Variants in PDGFRL observed in about 807,000 individuals in gnomAD.
PDGFRL encodes the protein platelet derived growth factor receptor like.
A neutral mutation model predicts 37.2 loss-of-function variants in PDGFRL; 46 were observed. The ratio of observed to expected loss-of-function variants is 1.24; its 90% CI spans 0.98 to 1.58. The LOEUF is 1.58. PDGFRL is among the 40% of genes most tolerant of loss of function. PDGFRL has a pLI of 0.00. For missense variants in PDGFRL, 692 were observed against 467.6 expected (o/e 1.48, Z -4.43); for synonymous variants, 251 against 184.3 (o/e 1.36, Z -2.93).
At chr8:17,584,815 G>A (rs571249644) in intron 1 of PDGFRL, among the ~76,000 whole-genome samples, 1 of 151,880 alleles carries the variant, frequency 6.6e-6, no homozygotes, top group Admixed American at 6.6e-5. Context: ...TCTCGTGTAA[G>A]AAAGAATTCG....
chr8:17,631,143 A>G (rs1585333084), intron 4 of PDGFRL, among the ~76,000 whole-genome samples: 1 of 151,818 alleles, frequency 6.6e-6, no homozygotes, highest in African/African-American at 2.4e-5. Flanking sequence ...ACGCTGCAAC[A>G]CCCCCCACAT....
chr8:17,613,097 C>T (rs1474829963), intron 2 of PDGFRL, among the ~76,000 whole-genome samples: 2 of 152,188 alleles, frequency 1.3e-5, no homozygotes, highest in East Asian at 3.8e-4. Context: ...CTCTCCATCT[C>T]TTAGATCATG....
chr8:17,634,553 G>T (rs1179252534), intron 5 of PDGFRL, among the ~76,000 whole-genome samples: 1 of 151,486 alleles, frequency 6.6e-6, no homozygotes, highest in Non-Finnish European at 1.5e-5. Flanking sequence ...CAATACCAAA[G>T]ACATGGAATC....
At chr8:17,629,513 C>A (rs150429192) in intron 4 of PDGFRL, among the ~76,000 whole-genome samples, 353 of 152,290 alleles carry the variant, frequency 2.3e-3, no homozygotes, top group Non-Finnish European at 4.3e-3. Flanking sequence ...CCATTGCCAC[C>A]TGCCAACCCT....
chr8:17,579,064 G>A (rs532208640), intron 1 of PDGFRL, among the ~76,000 whole-genome samples: 1 of 152,106 alleles, frequency 6.6e-6, no homozygotes, highest in Non-Finnish European at 1.5e-5. Flanking sequence ...CGGGCGTGGT[G>A]GTGGGCACGT....
rs189553965 is a variant in PDGFRL at position 17,642,537 on chromosome 8, A to G, written c.940-76A>G. The G allele has an allele frequency of 3.3e-4, 278 of 847,376 alleles. 1 individual carries two copies. The highest frequency in any genetic ancestry group is 1.1e-3 in the Admixed American group (56 of 50,592). The allele number at this position is 847,376 out of a possible 1,614,324, so 52.5% of individuals were successfully genotyped here. On this transcript the variant is annotated intron_variant, in intron 5 of 5. Coordinates refer to ENST00000251630, the MANE Select transcript of PDGFRL (RefSeq NM_001372073.1). ...CTTTGCTCTCTGAAAGGAACGCTCA[A>G]CAGTGTTGGGTGAGTGGGAGCTCTT...
chr8:17,600,158 T>C (rs1804137817), intron 2 of PDGFRL, among the ~76,000 whole-genome samples: 2 of 152,298 alleles, frequency 1.3e-5, no homozygotes, highest in South Asian at 2.1e-4. Context: ...ACCTGGCTCC[T>C]GGCCCCATTA....
At chr8:17,617,583 A>C (rs1385817999) in intron 2 of PDGFRL, among the ~76,000 whole-genome samples, 1 of 152,232 alleles carries the variant, frequency 6.6e-6, no homozygotes, top group Non-Finnish European at 1.5e-5. Context: ...ATTGGTAGAA[A>C]TGGACATTCT....
intron 2 of PDGFRL, among the ~76,000 whole-genome samples, chr8:17,601,479 A>C (rs984195095): frequency 6.6e-6 from 1 of 151,020 alleles, no homozygotes; most frequent in African/African-American, 2.4e-5. Context: ...CCTCTTTCTA[A>C]CTTTTAGGTT....
chr8:17,593,673 T>C (rs868168068), intron 2 of PDGFRL, among the ~76,000 whole-genome samples: 3 of 150,742 alleles, frequency 2.0e-5, no homozygotes, highest in Non-Finnish European at 4.4e-5. Flanking sequence ...GGCGGGCGGA[T>C]CACCGGAGGT....
In PDGFRL at chr8:17,588,567, G is replaced by A. The variant is rs549651666; in HGVS notation, c.56-901G>A. Among the ~76,000 whole-genome samples the A allele has an allele frequency of 6.6e-5, 10 of 152,280 alleles. No individual in the cohort carries two copies. In the South Asian group the frequency reaches 2.1e-3, roughly 32 times the overall value. ...ACATATGTGTAGGCCTAGCTACTCA[G>A]GAGGCTGAGGCAGGAGGATCACTTG... On this transcript the variant is annotated intron_variant, in intron 1 of 5. Transcript: ENST00000251630.
intron 5 of PDGFRL, among the ~76,000 whole-genome samples, chr8:17,640,850 C>T (rs1207391151): frequency 6.6e-6 from 1 of 151,950 alleles, no homozygotes; most frequent in Non-Finnish European, 1.5e-5. Context: ...AGATTATGTC[C>T]TTTGTCTTCG....
intron 2 of PDGFRL, among the ~76,000 whole-genome samples, chr8:17,603,046 G>A (rs185204196): frequency 4.6e-5 from 7 of 152,274 alleles, no homozygotes; most frequent in East Asian, 1.9e-4. Context: ...GCAGTGGCAC[G>A]ATCTCAGCTT....
chr8:17,593,490 T>A lies in PDGFRL; in HGVS notation c.353+3725T>A, dbSNP rs142429143. 4.9e-3 allele frequency among the ~76,000 whole-genome samples: 736 copies of A among 151,340 alleles called. 23 individuals are homozygous for A. Among genetic ancestry groups the A allele is most frequent in the Admixed American group, 0.041 (618 of 15,180 alleles). On this transcript the variant is annotated intron_variant, in intron 2 of 5. Coordinates refer to ENST00000251630, the MANE Select transcript of PDGFRL (RefSeq NM_001372073.1). ...GTGCATTCCTGTAGTCCCAGCTACT[T>A]GGGAGGCTAAGAGGGTGGGATCACC...
chr8:17,626,417 G>A lies in PDGFRL; in HGVS notation c.506-2070G>A, dbSNP rs17124966. The stretch of plus-strand genomic sequence containing the variant: ...CTGAGCCATGATATACTCTTCCCTC[G>A]TCTTAGAGTCAGGAGGAAGGATCTC... On this transcript the variant is annotated intron_variant, in intron 3 of 5. Coordinates refer to ENST00000251630, the MANE Select transcript of PDGFRL (RefSeq NM_001372073.1). Among the ~76,000 whole-genome samples the A allele has an allele frequency of 8.7e-3, 1,318 of 152,220 alleles. 26 individuals carry two copies. Among genetic ancestry groups the A allele is most frequent in the African/African-American group, 0.03 (1,258 of 41,522 alleles).
intron 2 of PDGFRL, among the ~76,000 whole-genome samples, chr8:17,594,343 C>T (rs1474516096): frequency 4.0e-5 from 6 of 151,048 alleles, no homozygotes; most frequent in African/African-American, 7.3e-5. Flanking sequence ...CAGGTTCAAG[C>T]GATTCTCCTG....
intron 2 of PDGFRL, among the ~76,000 whole-genome samples, chr8:17,602,913 G>A (rs561858193): frequency 2.0e-4 from 31 of 152,326 alleles, no homozygotes; most frequent in African/African-American, 6.7e-4. Flanking sequence ...TTCAGGCTAC[G>A]TAGTGGTCAC....
chr8:17,586,870 G>C (rs1240448354), intron 1 of PDGFRL, among the ~76,000 whole-genome samples: 6 of 152,170 alleles, frequency 3.9e-5, no homozygotes, highest in Non-Finnish European at 8.8e-5. Context: ...TGGACCTGAA[G>C]CTAGTAATGA....
intron 1 of PDGFRL, 134 bp from the exon 2 acceptor site, chr8:17,589,334 T>G: frequency 1.4e-6 from 1 of 693,624 alleles, no homozygotes; most frequent in Middle Eastern, 4.1e-4. Context: ...TGCAGTGAGC[T>G]GAGATTATGC....
Sources: gnomAD v4.1 joint callset for allele counts (sites outside exome capture counted in the v4.1 genomes callset) on GRCh38, gnomAD v4.1.1 for gene constraint, MANE v1.5 for transcripts, NCBI Gene and HGNC (gene_info 2026-07-23, HGNC 2026-07-21) for gene names.